The following DDX31 variants were observed in gnomAD, a reference collection of about 807,000 sequenced individuals.
DDX31 encodes the protein ATP-dependent DNA helicase DDX31.
A neutral mutation model predicts 91.3 loss-of-function variants in DDX31; 70 were observed. The observed-to-expected ratio is 0.77, with a 90% confidence interval of 0.63 to 0.94. The LOEUF is 0.94. DDX31 is among the 40% of genes least tolerant of loss of function. DDX31 has a pLI of 0.00. For synonymous variants in DDX31, 362 were observed against 350.6 expected, an observed-to-expected ratio of 1.03 and a Z score of -0.36; for missense variants, 902 against 925.0, an observed-to-expected ratio of 0.98 and a Z score of 0.32.
rs191758032 is a variant in DDX31 at position 132,613,587 on chromosome 9, A to G, written c.1826-1332T>C. 4.8e-3 allele frequency among the ~76,000 whole-genome samples: 726 copies of G among 152,250 alleles called. 5 individuals carry two copies. The highest frequency in any genetic ancestry group is 0.017 in the African/African-American group (705 of 41,546). On this transcript the variant is annotated intron_variant, in intron 18 of 19. Transcript: ENST00000372159. ...CAGGTGCCTGTAATCCCGGCTACTC[A>G]GGAGGCTGAGGCAGGAGAATCACTT...
At chr9:132,635,446 T>A (rs1193182434) in intron 14 of DDX31, among the ~76,000 whole-genome samples, 1 of 148,650 alleles carries the variant, frequency 6.7e-6, no homozygotes, top group Non-Finnish European at 1.5e-5. Flanking sequence ...AGGATTCATA[T>A]GTACATAGCT....
At chr9:132,634,923 C>T (rs1054287506) in intron 14 of DDX31, among the ~76,000 whole-genome samples, 3 of 152,148 alleles carry the variant, frequency 2.0e-5, no homozygotes, top group Non-Finnish European at 1.5e-5. Flanking sequence ...TGGTAGGTCA[C>T]GCACTCCGTT....
At chr9:132,621,124 T>A (rs1832005059) in intron 17 of DDX31, among the ~76,000 whole-genome samples, 1 of 152,158 alleles carries the variant, frequency 6.6e-6, no homozygotes, top group African/African-American at 2.4e-5. Context: ...GTTGGGTGTG[T>A]GTATACTTTG....
rs764399681 is a variant in DDX31 at position 132,630,402 on chromosome 9, T to C, written c.1493A>G (p.Tyr498Cys). 4 of 1,583,666 alleles carry C rather than the reference T, an allele frequency of 2.5e-6. No individual in the cohort carries two copies. The highest frequency in any genetic ancestry group is 2.6e-6 in the Non-Finnish European group (3 of 1,156,208). ...TTCTGCAGGTGAAGATGGAGCGTTG[T>C]ACTAAAAAGGGTAACAAAAATGAAG... Reference protein sequence around the residue: ...DLPQVTWIVQYNAPSSPAEYI... With the variant: ...DLPQVTWIVQCNAPSSPAEYI... Residue 498 changes from tyrosine to cysteine, a missense_variant and splice_region_variant, in exon 16 of 20, where the codon TAC (tyrosine) becomes TGC (cysteine). By Grantham distance (194) the Tyr-to-Cys change is radical (BLOSUM62 -2). Coordinates refer to ENST00000372159, the MANE Select transcript of DDX31 (RefSeq NM_022779.9).
Position 132,618,460 on chromosome 9 carries a change from G to T in DDX31, c.1714-19C>A. On this transcript the variant is annotated intron_variant, in intron 17 of 19. Transcript: ENST00000372159. The stretch of plus-strand genomic sequence containing the variant: ...GGGATTTCTGAGAGGGCGACGGAAG[G>T]ATTAAAGGAGAGATAGAGTCAAGGT... The T allele has an allele frequency of 6.3e-7, 1 of 1,597,144 alleles. No homozygotes were observed. The highest frequency in any genetic ancestry group is 8.6e-7 in the Non-Finnish European group (1 of 1,169,270).
intron 16 of DDX31, among the ~76,000 whole-genome samples, chr9:132,626,034 C>T (rs1303642932): frequency 6.6e-6 from 1 of 151,498 alleles, no homozygotes; most frequent in Admixed American, 6.6e-5. Context: ...CTTAATAAAT[C>T]TTGAATACCA....
chr9:132,644,146 A>G (rs1173593000), intron 13 of DDX31, among the ~76,000 whole-genome samples: 1 of 152,182 alleles, frequency 6.6e-6, no homozygotes, highest in African/African-American at 2.4e-5. Context: ...CTTACAAAAG[A>G]AAACACAGGG....
intron 1 of DDX31, 105 bp from the exon 2 acceptor site, chr9:132,662,800 G>T: frequency 6.9e-7 from 1 of 1,458,986 alleles, no homozygotes; most frequent in South Asian, 1.3e-5. Flanking sequence ...TCTCCCTGCA[G>T]AGATCATTAT....
intron 11 of DDX31, among the ~76,000 whole-genome samples, 197 bp downstream of exon 11, chr9:132,647,992 T>C (rs934486239): frequency 1.3e-5 from 2 of 152,082 alleles, no homozygotes; most frequent in South Asian, 2.1e-4. Flanking sequence ...GGGGAACATA[T>C]CTGTCTTGGA....
At chr9:132,627,308 G>A (rs939934387) in intron 16 of DDX31, among the ~76,000 whole-genome samples, 4 of 152,098 alleles carry the variant, frequency 2.6e-5, no homozygotes, top group Non-Finnish European at 4.4e-5. Context: ...TCCACATGGC[G>A]ACGTCGGGGA....
In DDX31 at chr9:132,650,227, T is replaced by C; in HGVS notation, c.740+7A>G. 3.1e-6 allele frequency: 5 copies of C among 1,613,858 alleles called. No homozygotes were observed. The highest frequency in any genetic ancestry group is 2.2e-5 in the South Asian group (2 of 91,064). ...AAGGAAACAACAACCAACAAACCTC[T>C]TCCTACCTGGCCTTTTCTGATTTTC... On this transcript the variant is annotated splice_region_variant and intron_variant, in intron 9 of 19. Transcript: ENST00000372159.
chr9:132,600,998 G>A (rs950135702), intron 19 of DDX31, among the ~76,000 whole-genome samples: 1 of 152,200 alleles, frequency 6.6e-6, no homozygotes, highest in East Asian at 1.9e-4. Context: ...TTACTGTTAA[G>A]ATGGAGAATA....
At chr9:132,652,263 T>C (rs1047588950) in intron 7 of DDX31, among the ~76,000 whole-genome samples, 185 bp downstream of exon 7, 3 of 152,264 alleles carry the variant, frequency 2.0e-5, no homozygotes, top group African/African-American at 4.8e-5. Context: ...TCCATACTTA[T>C]GATTCTCAGA....
At chr9:132,658,554 G>A (rs967761881) in intron 6 of DDX31, 117 bp downstream of exon 6, 16 of 904,032 alleles carry the variant, frequency 1.8e-5, no homozygotes, top group African/African-American at 3.3e-5. Flanking sequence ...TTAAAAGGAG[G>A]TGAAAAAAAT....
intron 8 of DDX31, 131 bp downstream of exon 8, chr9:132,650,944 G>C (rs1405813071): frequency 1.1e-6 from 1 of 930,076 alleles, no homozygotes; most frequent in African/African-American, 1.7e-5. Context: ...AAACTGCCTA[G>C]AGAGAGCAGA....
chr9:132,652,523 G>T (rs1296536820), intron 6 of DDX31, 31 bp from the exon 7 acceptor site: 29 of 1,613,664 alleles, frequency 1.8e-5, no homozygotes, highest in Non-Finnish European at 2.5e-5. Flanking sequence ...AATGCCATGA[G>T]CAGGATAAAC....
intron 16 of DDX31, among the ~76,000 whole-genome samples, chr9:132,628,029 C>T (rs1048660256): frequency 3.9e-5 from 6 of 152,206 alleles, no homozygotes; most frequent in African/African-American, 7.2e-5. Flanking sequence ...TTGTTGTTGT[C>T]GTTGTTGCTG....
intron 5 of DDX31, among the ~76,000 whole-genome samples, chr9:132,659,446 A>G (rs780421061): frequency 6.6e-6 from 1 of 152,208 alleles, no homozygotes; most frequent in Non-Finnish European, 1.5e-5. Context: ...TGGCCACCAC[A>G]CCTTGGTAAA....
intron 4 of DDX31, chr9:132,660,982 T>C (rs772875928): frequency 1.9e-5 from 10 of 520,596 alleles, no homozygotes; most frequent in African/African-American, 4.0e-5. Context: ...GGATGAGACG[T>C]CTCTTGCGGT....
Sources: gnomAD v4.1 joint callset for allele counts (sites outside exome capture counted in the v4.1 genomes callset) on GRCh38, gnomAD v4.1.1 for gene constraint, MANE v1.5 for transcripts, NCBI Gene and HGNC (gene_info 2026-07-23, HGNC 2026-07-21) for gene names.